PTPRD: variants seen among roughly 807,000 people sequenced by gnomAD.
PTPRD encodes the protein protein tyrosine phosphatase receptor type D, also known as receptor-type tyrosine-protein phosphatase delta.
Under a neutral mutation model 214.5 loss-of-function variants are expected in PTPRD, and 34 were observed. That is an observed-to-expected ratio of 0.16 (90% CI 0.12 to 0.21). The LOEUF is 0.21. Ranked by LOEUF, PTPRD falls within the 10% of genes least tolerant of loss-of-function variation. The pLI is 1.00. For synonymous variants in PTPRD, 1,128 were observed against 845.7 expected, an observed-to-expected ratio of 1.33 and a Z score of -5.79; for missense variants, 2,545 against 2,398.7, an observed-to-expected ratio of 1.06 and a Z score of -1.27.
intron 11 of PTPRD, among the ~76,000 whole-genome samples, chr9:8,834,057 CTT>C (rs2097359430): frequency 6.6e-6 from 1 of 151,966 alleles, no homozygotes; most frequent in South Asian, 2.1e-4. Flanking sequence ...AATGCCTAGT[CTT>C]TTTCACTCTC....
chr9:8,332,500 T>TAACA (rs1294543441), intron 43 of PTPRD, among the ~76,000 whole-genome samples: 3 of 152,006 alleles, frequency 2.0e-5, no homozygotes, highest in Admixed American at 6.6e-5. Context: ...CCACAGGAAT[T>TAACA]AACAGTCTGT....
intron 2 of PTPRD, among the ~76,000 whole-genome samples, chr9:10,368,008 G>T (rs188874348): frequency 1.3e-5 from 2 of 152,152 alleles, no homozygotes; most frequent in East Asian, 1.9e-4. Context: ...TATGTTTGTT[G>T]TATTATCTAA....
intron 3 of PTPRD, among the ~76,000 whole-genome samples, chr9:10,098,191 T>C (rs1038414773): frequency 3.3e-5 from 5 of 151,594 alleles, no homozygotes; most frequent in African/African-American, 1.2e-4. Flanking sequence ...ATGTCCTTTG[T>C]AGGGACATGG....
chr9:9,599,190 T>C (rs1169276152), intron 7 of PTPRD, among the ~76,000 whole-genome samples: 2 of 152,072 alleles, frequency 1.3e-5, no homozygotes, highest in Non-Finnish European at 2.9e-5. Flanking sequence ...GTGCTTTACA[T>C]GCTAGGCACA....
At chr9:10,190,198 C>G (rs1336822361) in intron 3 of PTPRD, among the ~76,000 whole-genome samples, 1 of 151,204 alleles carries the variant, frequency 6.6e-6, no homozygotes, top group African/African-American at 2.4e-5. Context: ...GAAACCTCGT[C>G]TCTACTAAAA....
intron 11 of PTPRD, among the ~76,000 whole-genome samples, chr9:8,926,791 T>C (rs1473944623): frequency 6.6e-6 from 1 of 152,232 alleles, no homozygotes; most frequent in Non-Finnish European, 1.5e-5. Flanking sequence ...TAATTCTTTC[T>C]GAAAACATCT....
chr9:8,929,729 A>ATG (rs1301035030), intron 11 of PTPRD, among the ~76,000 whole-genome samples: 3 of 99,474 alleles, frequency 3.0e-5, no homozygotes, highest in East Asian at 2.7e-4. Flanking sequence ...GTATATATAT[A>ATG]TGTGTATATA....
chr9:9,059,448 T>C (rs2099703218), intron 10 of PTPRD, among the ~76,000 whole-genome samples: 1 of 151,888 alleles, frequency 6.6e-6, no homozygotes, highest in Non-Finnish European at 1.5e-5. Flanking sequence ...AATAAGTATA[T>C]AGAAATCAAA....
At chr9:10,125,375 CGTTT>C (rs996631997) in intron 3 of PTPRD, among the ~76,000 whole-genome samples, 15 of 146,858 alleles carry the variant, frequency 1.0e-4, no homozygotes, top group African/African-American at 3.7e-4. Flanking sequence ...TTTTTCTTTT[CGTTT>C]TTATCTTCTT....
intron 10 of PTPRD, among the ~76,000 whole-genome samples, chr9:9,165,274 G>A (rs1309358359): frequency 6.6e-6 from 1 of 152,154 alleles, no homozygotes; most frequent in Non-Finnish European, 1.5e-5. Flanking sequence ...AAATAAGTAT[G>A]CACATTGAGA....
At chr9:8,915,646 G>A (rs1186944736) in intron 11 of PTPRD, among the ~76,000 whole-genome samples, 1 of 152,192 alleles carries the variant, frequency 6.6e-6, no homozygotes, top group Non-Finnish European at 1.5e-5. Flanking sequence ...AATGTCAGCA[G>A]GATTGAGACC....
At chr9:10,157,831 T>C (rs1279905918) in intron 3 of PTPRD, among the ~76,000 whole-genome samples, 4 of 152,124 alleles carry the variant, frequency 2.6e-5, no homozygotes, top group African/African-American at 7.2e-5. Flanking sequence ...TAGTTTTATT[T>C]ATTATTTTTT....
At chr9:10,520,879 T>C (rs944477656) in intron 2 of PTPRD, among the ~76,000 whole-genome samples, 1 of 151,322 alleles carries the variant, frequency 6.6e-6, no homozygotes, top group Non-Finnish European at 1.5e-5. Context: ...ACCACCCTGC[T>C]CAGAGAAAAA....
chr9:8,522,289 T>C (rs891564442), intron 19 of PTPRD, among the ~76,000 whole-genome samples: 8 of 151,892 alleles, frequency 5.3e-5, no homozygotes, highest in African/African-American at 1.9e-4. Flanking sequence ...AAGACAGCAA[T>C]GACCGCAGAA....
At chr9:9,930,860 A>G (rs2086249470) in intron 5 of PTPRD, among the ~76,000 whole-genome samples, 1 of 152,068 alleles carries the variant, frequency 6.6e-6, no homozygotes, top group African/African-American at 2.4e-5. Flanking sequence ...CTGTATGGTT[A>G]CCCTTGAAGT....
intron 44 of PTPRD, among the ~76,000 whole-genome samples, chr9:8,326,021 A>G (rs1360794585): frequency 6.6e-6 from 1 of 152,170 alleles, no homozygotes; most frequent in African/African-American, 2.4e-5. Context: ...GCAAACAGAG[A>G]CAATTTGACT....
At chr9:8,344,558 T>C (rs78151712) in intron 39 of PTPRD, among the ~76,000 whole-genome samples, 8,233 of 152,028 alleles carry the variant, frequency 0.054, 263 homozygotes, top group South Asian at 0.16. Flanking sequence ...GAACAAAACC[T>C]ATTTTTTCCC....
intron 4 of PTPRD, among the ~76,000 whole-genome samples, chr9:10,031,010 A>T (rs2097055295): frequency 1.3e-5 from 2 of 152,202 alleles, no homozygotes; most frequent in South Asian, 4.1e-4. Flanking sequence ...AACCCAATGC[A>T]AAATGAAAGA....
At chr9:9,196,418 T>C (rs755970640) in intron 9 of PTPRD, among the ~76,000 whole-genome samples, 1 of 152,180 alleles carries the variant, frequency 6.6e-6, no homozygotes, top group Non-Finnish European at 1.5e-5. Flanking sequence ...TGCCATGATA[T>C]ACCTTTTAAT....
Sources: gnomAD v4.1 joint callset for allele counts (sites outside exome capture counted in the v4.1 genomes callset) on GRCh38, gnomAD v4.1.1 for gene constraint, MANE v1.5 for transcripts, NCBI Gene and HGNC (gene_info 2026-07-23, HGNC 2026-07-21) for gene names.